Variants in XPOT observed in about 807,000 individuals in gnomAD.
XPOT encodes the protein exportin-T.
Under a neutral mutation model 128.2 loss-of-function variants are expected in XPOT, and 34 were observed. The observed-to-expected ratio is 0.27, with a 90% CI of 0.20 to 0.35. The LOEUF is 0.35. XPOT is among the 10% of genes least tolerant of loss of function. The probability of loss-of-function intolerance (pLI) is 1.00; values close to 1 mark genes in which losing one functional copy is unlikely to be tolerated. For synonymous variants in XPOT, 348 were observed against 394.3 expected, an observed-to-expected ratio of 0.88 and a Z score of 1.39; for missense variants, 838 against 1,125.3, an observed-to-expected ratio of 0.74 and a Z score of 3.65.
At chr12:64,431,869 G>A in intron 18 of XPOT, 46 bp downstream of exon 18, 1 of 1,565,558 alleles carries the variant, frequency 6.4e-7, no homozygotes. Context: ...AAGATCAGAT[G>A]TATTTATCTT....
At chr12:64,439,504 G>T (rs2040308195) in intron 23 of XPOT, among the ~76,000 whole-genome samples, 189 bp downstream of exon 23, 1 of 152,114 alleles carries the variant, frequency 6.6e-6, no homozygotes, top group South Asian at 2.1e-4. Context: ...ACTACACCTT[G>T]TTACCCAACA....
chr12:64,440,667 G>A (rs935355762), intron 23 of XPOT, among the ~76,000 whole-genome samples: 8 of 152,120 alleles, frequency 5.3e-5, no homozygotes, highest in Admixed American at 3.3e-4. Flanking sequence ...ACAGGTGTGA[G>A]GTGATATCTC....
intron 8 of XPOT, among the ~76,000 whole-genome samples, 176 bp downstream of exon 8, chr12:64,420,697 A>G (rs924577201): frequency 1.3e-5 from 2 of 152,228 alleles, no homozygotes; most frequent in Non-Finnish European, 2.9e-5. Context: ...TCCTTGGAGA[A>G]TGGGTTATAC....
Position 64,424,649 on chromosome 12 carries a change from G to A in XPOT, c.1233G>A (p.Leu411=), listed in dbSNP as rs373446121. The change falls in exon 12 of 25, where the codon CTG becomes CTA. Residue 411 remains leucine, a synonymous_variant. Coordinates refer to ENST00000332707, the MANE Select transcript of XPOT (RefSeq NM_007235.6). Reference sequence around the variant, plus strand: ...AATATAGAAAACAACTGAAGTTACTGTTGGACAGGCTTGCTCAAGTTTCAC... The same window carrying A: ...AATATAGAAAACAACTGAAGTTACTATTGGACAGGCTTGCTCAAGTTTCAC... The part of the protein sequence containing the change: ...FVEYRKQLKL[L]LDRLAQVSPE... 1.9e-6 allele frequency: 3 copies of A among 1,612,572 alleles called. No homozygotes were observed. Among genetic ancestry groups the A allele is most frequent in the Non-Finnish European group, 1.7e-6 (2 of 1,179,946 alleles).
At chr12:64,432,112 C>T (rs2040244552) in intron 18 of XPOT, among the ~76,000 whole-genome samples, 1 of 152,074 alleles carries the variant, frequency 6.6e-6, no homozygotes, top group Non-Finnish European at 1.5e-5. Flanking sequence ...AAACTGAGTA[C>T]TAAATAAGCA....
intron 22 of XPOT, among the ~76,000 whole-genome samples, chr12:64,437,241 C>T (rs1289856105): frequency 2.6e-5 from 4 of 152,142 alleles, no homozygotes; most frequent in Non-Finnish European, 4.4e-5. Context: ...ATAAGGCATC[C>T]CCCGATACTC....
chr12:64,435,342 C>T (rs2040273795), intron 21 of XPOT, among the ~76,000 whole-genome samples: 1 of 152,156 alleles, frequency 6.6e-6, no homozygotes, highest in South Asian at 2.1e-4. Flanking sequence ...TGTCAATTTC[C>T]GCTTTCTCAC....
chr12:64,421,090 C>A (rs1421981902), intron 8 of XPOT, 145 bp from the exon 9 acceptor site: 1 of 715,732 alleles, frequency 1.4e-6, no homozygotes. Context: ...GCATAAGCCA[C>A]CGTGCCCAGC....
At chr12:64,409,763 A>C in intron 1 of XPOT, 199 bp from the exon 2 acceptor site, 1 of 372,446 alleles carries the variant, frequency 2.7e-6, no homozygotes, top group Non-Finnish European at 4.8e-6. Context: ...TTTAGGAATT[A>C]CACATTAGTG....
Position 64,420,356 on chromosome 12 carries a change from T to G in XPOT, c.678T>G (p.Phe226Leu). Residue 226 changes from phenylalanine (F) to leucine (L), a missense_variant, in exon 8 of 25, where the codon TTT (phenylalanine) becomes TTG (leucine). Physicochemically the swap from Phe to Leu is conservative, Grantham distance 22. Around this residue, in one of 3 missense-constraint regions of XPOT, gnomAD observed 761 missense variants for 988.3 expected, o/e 0.77. Coordinates refer to ENST00000332707, the MANE Select transcript of XPOT (RefSeq NM_007235.6). ...IDLSLIANDR[F>L]INMLLGHMSI... ...AATTTTATTGTCCCATTACCAGGTTTATAAATATGCTGCTAGGTCATATGT... is the reference window on the plus strand; with the variant it reads ...AATTTTATTGTCCCATTACCAGGTTGATAAATATGCTGCTAGGTCATATGT... 6.2e-7 allele frequency: 1 copy of G among 1,610,574 alleles called. No individual in the cohort carries two copies. The highest frequency in any genetic ancestry group is 8.5e-7 in the Non-Finnish European group (1 of 1,179,066).
At chr12:64,415,138 T>C (rs2040076325) in intron 3 of XPOT, 149 bp downstream of exon 3, 2 of 581,276 alleles carry the variant, frequency 3.4e-6, no homozygotes, top group African/African-American at 1.9e-5. Flanking sequence ...AGTCATTCCA[T>C]GTAGAAATGA....
intron 9 of XPOT, among the ~76,000 whole-genome samples, 170 bp from the exon 10 acceptor site, chr12:64,422,835 G>C (rs1429922018): frequency 6.7e-6 from 1 of 149,398 alleles, no homozygotes; most frequent in African/African-American, 2.4e-5. Flanking sequence ...CCAGGGAGTT[G>C]GGGGTTGCAG....
At chr12:64,428,173 G>C in intron 16 of XPOT, 53 bp downstream of exon 16, 1 of 1,251,232 alleles carries the variant, frequency 8.0e-7, no homozygotes, top group Non-Finnish European at 1.1e-6. Context: ...GAAGCCACAC[G>C]TGCCATTAGC....
chr12:64,433,640 G>T (rs1207118376), intron 19 of XPOT, 37 bp downstream of exon 19: 1 of 1,545,648 alleles, frequency 6.5e-7, no homozygotes, highest in Non-Finnish European at 8.8e-7. Context: ...GTCTGCTTAA[G>T]TCTGTGTCAC....
At chr12:64,405,093 A>G (rs972689519) in intron 1 of XPOT, 1 of 152,008 alleles carries the variant, frequency 6.6e-6, no homozygotes, top group African/African-American at 2.4e-5. Flanking sequence ...CGGGGGAGGG[A>G]TGGGAGCAAG....
chr12:64,412,395 T>G (rs1281338336), intron 2 of XPOT, among the ~76,000 whole-genome samples: 1 of 152,120 alleles, frequency 6.6e-6, no homozygotes, highest in African/African-American at 2.4e-5. Flanking sequence ...AAATGGTATG[T>G]CATGACATTT....
intron 21 of XPOT, 124 bp downstream of exon 21, chr12:64,435,033 G>T: frequency 8.9e-6 from 7 of 785,652 alleles, no homozygotes; most frequent in East Asian, 2.8e-5. Context: ...TTCAGATCAG[G>T]GTTCTTTTTT....
intron 23 of XPOT, among the ~76,000 whole-genome samples, chr12:64,439,942 AAT>A: frequency 6.6e-6 from 1 of 152,364 alleles, no homozygotes; most frequent in East Asian, 1.9e-4. Context: ...TTTCTTCATC[AAT>A]AGTGTTTTTA....
At chr12:64,409,503 A>G (rs535630938) in intron 1 of XPOT, among the ~76,000 whole-genome samples, 1 of 152,338 alleles carries the variant, frequency 6.6e-6, no homozygotes, top group East Asian at 1.9e-4. Context: ...TGGGAGGCCA[A>G]GGCGGGCGGA....
Sources: gnomAD v4.1 joint callset for allele counts (sites outside exome capture counted in the v4.1 genomes callset) on GRCh38, gnomAD v4.1.1 for gene constraint, gnomAD v4.1.1 regional missense constraint, MANE v1.5 for transcripts, NCBI Gene and HGNC (gene_info 2026-07-23, HGNC 2026-07-21) for gene names.